The following WARS2 variants were observed in gnomAD, a reference collection of about 807,000 sequenced individuals.
WARS2 encodes tryptophan--tRNA ligase, mitochondrial.
Under a neutral mutation model 36.5 loss-of-function variants are expected in WARS2, and 28 were observed. The ratio of observed to expected loss-of-function variants is 0.77; its 90% CI spans 0.57 to 1.05. WARS2 has a LOEUF of 1.05. Ranked by LOEUF, WARS2 falls within the 50% of genes least tolerant of loss-of-function variation. The pLI is 0.00. For synonymous variants in WARS2, 174 were observed against 178.4 expected (o/e 0.98, Z 0.20); for missense variants, 435 against 456.8 (o/e 0.95, Z 0.44).
At chr1:119,105,157 A>G (rs1276268882) in intron 1 of WARS2, among the ~76,000 whole-genome samples, 3 of 152,180 alleles carry the variant, frequency 2.0e-5, no homozygotes, top group African/African-American at 7.2e-5. Context: ...GGGAATTTCA[A>G]TAAGACTTGC....
At chr1:119,036,990 T>G (rs1465156954) in intron 4 of WARS2, among the ~76,000 whole-genome samples, 1 of 152,220 alleles carries the variant, frequency 6.6e-6, no homozygotes, top group Non-Finnish European at 1.5e-5. Flanking sequence ...TCATCTTGTC[T>G]TTGATTCTAC....
chr1:119,069,959 G>C (rs980165751), intron 2 of WARS2, among the ~76,000 whole-genome samples: 1 of 152,160 alleles, frequency 6.6e-6, no homozygotes, highest in Admixed American at 6.5e-5. Context: ...ACAGAACAAG[G>C]TTCCCGCCTC....
Position 119,062,399 on chromosome 1 carries a change from G to C in WARS2, c.348+13951C>G, listed in dbSNP as rs191656851. Among the ~76,000 whole-genome samples the C allele has an allele frequency of 1.6e-4, 24 of 152,144 alleles. No individual in the cohort carries two copies. In the East Asian group the frequency reaches 3.7e-3, roughly 23 times the overall value. Reference sequence around the variant, plus strand: ...CCACTGGAGATGAGCAATTAAAACAGTGGTTTCCAAAATGAGATTTGTGAT... The same window carrying C: ...CCACTGGAGATGAGCAATTAAAACACTGGTTTCCAAAATGAGATTTGTGAT... On this transcript the variant is annotated intron_variant, in intron 2 of 5. Coordinates refer to ENST00000235521, the MANE Select transcript of WARS2 (RefSeq NM_015836.4).
chr1:119,120,334 A>T (rs974994103), intron 1 of WARS2, among the ~76,000 whole-genome samples: 31 of 151,890 alleles, frequency 2.0e-4, no homozygotes, highest in African/African-American at 7.2e-4. Flanking sequence ...AAATATACAA[A>T]CTTCCTAGAT....
At chr1:119,076,724 C>A in intron 1 of WARS2, 117 bp from the exon 2 acceptor site, 1 of 1,410,812 alleles carries the variant, frequency 7.1e-7, no homozygotes, top group South Asian at 1.4e-5. Flanking sequence ...ATCTGACAGT[C>A]ATCATCATCC....
At chr1:119,105,741 G>T (rs1226646060) in intron 1 of WARS2, among the ~76,000 whole-genome samples, 6 of 152,134 alleles carry the variant, frequency 3.9e-5, no homozygotes, top group Admixed American at 3.9e-4. Context: ...GCGAAACCCT[G>T]TCTCTACTAA....
At chr1:119,052,317 C>T (rs908032383) in intron 2 of WARS2, among the ~76,000 whole-genome samples, 19 of 152,114 alleles carry the variant, frequency 1.2e-4, no homozygotes, top group African/African-American at 4.6e-4. Flanking sequence ...TTAGTTAGGA[C>T]ACTTGGAAGA....
chr1:119,067,336 G>C (rs1030891237), intron 2 of WARS2, among the ~76,000 whole-genome samples: 2 of 152,160 alleles, frequency 1.3e-5, no homozygotes, highest in African/African-American at 4.8e-5. Flanking sequence ...AAGCAGAAAA[G>C]TTTCTATTAT....
At chr1:119,097,309 T>A (rs1474285483) in intron 1 of WARS2, among the ~76,000 whole-genome samples, 3 of 152,210 alleles carry the variant, frequency 2.0e-5, no homozygotes, top group Non-Finnish European at 4.4e-5. Flanking sequence ...TTTCAAGTTC[T>A]CTCATATTTC....
At chr1:119,043,064 T>G (rs1290254204) in intron 3 of WARS2, among the ~76,000 whole-genome samples, 1 of 152,076 alleles carries the variant, frequency 6.6e-6, no homozygotes, top group African/African-American at 2.4e-5. Context: ...GGGGGGGCAA[T>G]AGATGCTGAT....
At chr1:119,122,917 A>T (rs952120434) in intron 1 of WARS2, among the ~76,000 whole-genome samples, 1 of 152,186 alleles carries the variant, frequency 6.6e-6, no homozygotes, top group Non-Finnish European at 1.5e-5. Context: ...GAGAAAAAAA[A>T]GAAAAGTAAG....
chr1:119,054,389 T>C (rs1393146065), intron 2 of WARS2, among the ~76,000 whole-genome samples: 2 of 151,974 alleles, frequency 1.3e-5, no homozygotes, highest in Non-Finnish European at 2.9e-5. Flanking sequence ...TATATATATA[T>C]CTCCCAGAAA....
chr1:119,115,439 TA>T (rs888306829), intron 1 of WARS2, among the ~76,000 whole-genome samples: 8 of 152,296 alleles, frequency 5.3e-5, no homozygotes, highest in Non-Finnish European at 1.0e-4. Context: ...CTGTGATCAT[TA>T]GACAGACTGG....
intron 1 of WARS2, among the ~76,000 whole-genome samples, chr1:119,089,260 C>T (rs1414588064): frequency 1.3e-5 from 2 of 152,212 alleles, no homozygotes; most frequent in African/African-American, 4.8e-5. Flanking sequence ...TCCAGCTAAT[C>T]ATGGCTCCCT....
intron 1 of WARS2, among the ~76,000 whole-genome samples, chr1:119,130,708 A>AT (rs143741155): frequency 0.036 from 5,495 of 152,132 alleles, 174 homozygotes; most frequent in Non-Finnish European, 0.048. Context: ...TGTCTCACTG[A>AT]TTTTTTTTCA....
chr1:119,121,409 A>G (rs1216245563), intron 1 of WARS2, among the ~76,000 whole-genome samples: 1 of 152,190 alleles, frequency 6.6e-6, no homozygotes, highest in Non-Finnish European at 1.5e-5. Flanking sequence ...AAACAAATGG[A>G]AACACATCCC....
In WARS2 at chr1:119,034,095, T is replaced by C. The variant is rs2101097393; in HGVS notation, c.634A>G (p.Thr212Ala). The C allele has an allele frequency of 1.9e-6, 3 of 1,610,510 alleles. No individual in the cohort carries two copies. Among genetic ancestry groups the C allele is most frequent in the Non-Finnish European group, 2.5e-6 (3 of 1,176,834 alleles). The part of the protein sequence containing the change: ...EFFPVPESIL[T>A]SMKKVKSLRD... ...TAACAATTATAAGTTTCTTACTTAC[T>C]GAGAATGGACTCGGGCACTGGAAAG... The change falls in exon 5 of 6, where the codon ACA becomes GCA. Residue 212 changes from threonine to alanine, a missense_variant and splice_region_variant. By Grantham distance (58) the Thr-to-Ala change is moderately conservative. Transcript: ENST00000235521.
At chr1:119,079,970 TGA>T (rs1003472713) in intron 1 of WARS2, among the ~76,000 whole-genome samples, 2 of 151,768 alleles carry the variant, frequency 1.3e-5, no homozygotes, top group Middle Eastern at 3.4e-3. Flanking sequence ...ACTTGAGAAT[TGA>T]GAGAGAGAGA....
At position 119,033,234 on chromosome 1, in the gene WARS2, C is replaced by G; in HGVS notation, c.760G>C (p.Ala254Pro). 6.2e-7 allele frequency: 1 copy of G among 1,614,268 alleles called. No homozygotes were observed. Among genetic ancestry groups the G allele is most frequent in the Non-Finnish European group, 8.5e-7 (1 of 1,180,048 alleles). Residue 254 changes from alanine to proline, a missense_variant, in exon 6 of 6, where the codon GCT becomes CCT. Transcript: ENST00000235521. ...PEEIVQKFRKAVTDFTSEVTY... is the reference protein window; with the variant it reads ...PEEIVQKFRKPVTDFTSEVTY... ...ACCTCCGAGGTGAAGTCTGTCACAG[C>G]CTTGCGGAATTTCTGCACTATCTCC...
Sources: gnomAD v4.1 joint callset for allele counts (sites outside exome capture counted in the v4.1 genomes callset) on GRCh38, gnomAD v4.1.1 for gene constraint, MANE v1.5 for transcripts, NCBI Gene and HGNC (gene_info 2026-07-23, HGNC 2026-07-21) for gene names.